The following PNPLA6 variants were observed in gnomAD, a reference collection of about 807,000 sequenced individuals.
The protein encoded by PNPLA6 is patatin like domain 6, lysophospholipase.
Under a neutral mutation model 153.7 loss-of-function variants are expected in PNPLA6, and 105 were observed. The observed-to-expected ratio is 0.68, with a 90% CI of 0.58 to 0.80. The LOEUF is 0.80. Ranked by LOEUF, PNPLA6 falls within the 30% of genes least tolerant of loss-of-function variation. The pLI, the probability that PNPLA6 is intolerant of heterozygous loss-of-function variation, is 0.00. For synonymous variants in PNPLA6, 825 were observed against 822.2 expected, an observed-to-expected ratio of 1.00 and a Z score of -0.06; for missense variants, 1,423 against 1,919.3, an observed-to-expected ratio of 0.74 and a Z score of 4.83.
chr19:7,550,482 G>A (rs1375127778), intron 15 of PNPLA6, 35 bp from the exon 16 acceptor site: 2 of 1,612,512 alleles, frequency 1.2e-6, no homozygotes, highest in African/African-American at 2.7e-5. Flanking sequence ...GGACCTGGGG[G>A]TGGTCAGACC....
intron 18 of PNPLA6, among the ~76,000 whole-genome samples, 174 bp from the exon 19 acceptor site, chr19:7,553,701 G>C (rs938137001): frequency 6.6e-6 from 1 of 152,224 alleles, no homozygotes; most frequent in Non-Finnish European, 1.5e-5. Flanking sequence ...TCCAGGACCA[G>C]AGCCATGGCT....
Position 7,555,887 on chromosome 19 carries a change from TC to T in PNPLA6, c.3093+128del. On this transcript the variant is annotated intron_variant, in intron 24 of 31. Transcript: ENST00000600737. The surrounding 1 kb of genome is among the most constrained non-coding windows in gnomAD (Gnocchi z 6.3). ...TGACCCTTCCTGATTAAATCTATGA[TC>T]CCCAGCTGTCCGGACTTTTATAGAT... 9.8e-7 allele frequency: 1 copy of T among 1,016,292 alleles called. No individual in the cohort carries two copies. Among genetic ancestry groups the T allele is most frequent in the Non-Finnish European group, 1.5e-6 (1 of 670,166 alleles). 63.0% of individuals were successfully genotyped at this position (1,016,292 alleles called of 1,614,324 possible).
At chr19:7,539,862 TTGCCTGAGCCTTCTCCG>T (rs1318466648) in intron 3 of PNPLA6, 39 bp from the exon 4 acceptor site, 1 of 1,259,422 alleles carries the variant, frequency 7.9e-7, no homozygotes, top group East Asian at 2.5e-5. Context: ...GGTCTTAGGT[TTGCCTGAGCCTTCTCCG>T]TGCCCCCCTC....
At chr19:7,542,404 A>G (rs1181871723) in intron 10 of PNPLA6, 157 bp from the exon 11 acceptor site, 2 of 690,080 alleles carry the variant, frequency 2.9e-6, no homozygotes, top group Non-Finnish European at 5.3e-6. Flanking sequence ...GTGCTGTCAT[A>G]GCTCACTGCA....
chr19:7,539,001 C>G (rs1427162137), intron 3 of PNPLA6, among the ~76,000 whole-genome samples: 1 of 152,182 alleles, frequency 6.6e-6, no homozygotes, highest in East Asian at 1.9e-4. Flanking sequence ...GGGGCCATCT[C>G]AGAGAACTTT....
Position 7,541,986 on chromosome 19 carries a change from G to T in PNPLA6, c.1171G>T (p.Asp391Tyr). ...TGAPLPGPTG[D>Y]PVKPTSLETP... ...GCCTGAACATGTGTCTCCCCCAGGGGACCCTGTGAAGCCCACATCCCTGGA... is the reference window on the plus strand; with the variant it reads ...GCCTGAACATGTGTCTCCCCCAGGGTACCCTGTGAAGCCCACATCCCTGGA... Residue 391 changes from aspartate to tyrosine, a missense_variant and splice_region_variant, in exon 10 of 32, where the codon GAC (aspartate) becomes TAC (tyrosine). Around this residue, in one of 10 missense-constraint regions of PNPLA6, gnomAD observed 267 missense variants for 255.1 expected, o/e 1.05. Coordinates refer to ENST00000600737, the MANE Select transcript of PNPLA6 (RefSeq NM_001166114.2). The surrounding 1 kb of genome is among the most constrained non-coding windows in gnomAD (Gnocchi z 5.2). The T allele has an allele frequency of 1.2e-6, 2 of 1,607,900 alleles. No homozygotes were observed. Among genetic ancestry groups the T allele is most frequent in the Non-Finnish European group, 8.5e-7 (1 of 1,179,454 alleles).
intron 13 of PNPLA6, among the ~76,000 whole-genome samples, chr19:7,546,280 G>GA (rs2023383507): frequency 6.6e-6 from 1 of 151,938 alleles, no homozygotes; most frequent in African/African-American, 2.4e-5. Flanking sequence ...TTTTGGGGGG[G>GA]TGTAATGGTT....
intron 18 of PNPLA6, 71 bp downstream of exon 18, chr19:7,551,508 C>T (rs999779207): frequency 2.0e-5 from 26 of 1,304,588 alleles, no homozygotes; most frequent in Non-Finnish European, 2.8e-5. Flanking sequence ...GGAGGGAAGC[C>T]TTCTTTCCTG....
chr19:7,551,012 C>CA lies in PNPLA6; in HGVS notation c.2090dup (p.Pro698AlafsTer86), dbSNP rs1568416398. On this transcript the variant is annotated frameshift_variant, in exon 17 of 32. Transcript: ENST00000600737. LOFTEE classifies it high-confidence loss of function. ...CCCCCAGGTGGAGGCACTGACCCGG[C>CA]AGCCGCGAGCCACGACGGTGCACGC... is the stretch of plus-strand genomic sequence containing the variant. 6.5e-7 allele frequency: 1 copy of CA among 1,546,050 alleles called. No individual in the cohort carries two copies. The highest frequency in any genetic ancestry group is 8.7e-7 in the Non-Finnish European group (1 of 1,146,298).
intron 13 of PNPLA6, among the ~76,000 whole-genome samples, chr19:7,548,583 C>A (rs112840834): frequency 1.3e-5 from 2 of 151,942 alleles, no homozygotes; most frequent in African/African-American, 4.8e-5. Flanking sequence ...TGTAAATAGT[C>A]ATTATACTGT....
At chr19:7,539,887 C>G in intron 3 of PNPLA6, 31 bp from the exon 4 acceptor site, 1 of 1,466,230 alleles carries the variant, frequency 6.8e-7, no homozygotes, top group Non-Finnish European at 9.2e-7. Flanking sequence ...CCGTGCCCCC[C>G]TCACCCCCGG....
rs534225738 is a variant in PNPLA6 at position 7,550,433 on chromosome 19, C to T, written c.1946+4C>T. 1 of 1,611,426 alleles carries T rather than the reference C, an allele frequency of 6.2e-7. No individual in the cohort carries two copies. Among genetic ancestry groups the T allele is most frequent in the East Asian group, 2.2e-5 (1 of 44,884 alleles). On this transcript the variant is annotated splice_donor_region_variant and intron_variant, in intron 15 of 31. Coordinates refer to ENST00000600737, the MANE Select transcript of PNPLA6 (RefSeq NM_001166114.2). ...AGGCGGGACGCGCGCTGTACAGGTG[C>T]AGCTCCCACCGCGCTGCTCAGGCCC...
At chr19:7,535,123 G>GC (rs2022786591), upstream of PNPLA6, 4 of 342,938 alleles carry the variant, frequency 1.2e-5, no homozygotes, top group Non-Finnish European at 2.3e-5. This position sits in a 1 kb window ranked among gnomAD's most constrained non-coding sequence, Gnocchi z 5.0. Flanking sequence ...GATCAACCCT[G>GC]CAGAGGGCAG....
chr19:7,541,561 C>G lies in PNPLA6; in HGVS notation c.1045C>G (p.Pro349Ala). The G allele has an allele frequency of 6.2e-7, 1 of 1,600,340 alleles. No homozygotes were observed. Among genetic ancestry groups the G allele is most frequent in the Non-Finnish European group, 8.5e-7 (1 of 1,173,686 alleles). ...PLRLFPSPGL[P>A]TRTSPVRGSK... ...GCGTCTGTTCCCCAGCCCCGGCCTC[C>G]CAACTCGCACCAGCCCTGTGCGGGG... The change falls in exon 9 of 32, where the codon CCA (proline) becomes GCA (alanine). Residue 349 changes from proline (P) to alanine (A), a missense_variant. Pro to Ala is a conservative substitution (Grantham distance 27, BLOSUM62 -1). Around this residue, in one of 10 missense-constraint regions of PNPLA6, gnomAD observed 267 missense variants for 255.1 expected, o/e 1.05. Coordinates refer to ENST00000600737, the MANE Select transcript of PNPLA6 (RefSeq NM_001166114.2). This position sits in a 1 kb window ranked among gnomAD's most constrained non-coding sequence, Gnocchi z 5.2.
chr19:7,544,071 C>G (rs1486647307), intron 13 of PNPLA6, among the ~76,000 whole-genome samples: 1 of 151,864 alleles, frequency 6.6e-6, no homozygotes, highest in East Asian at 1.9e-4. Context: ...CCTAGGCCTT[C>G]CAAAGTGCTG....
intron 27 of PNPLA6, 115 bp downstream of exon 27, chr19:7,557,399 T>G (rs1468342234): frequency 1.4e-6 from 1 of 727,568 alleles, no homozygotes; most frequent in South Asian, 1.5e-5. Context: ...AAGCTGCCCA[T>G]GCAGGGGTGC....
intron 16 of PNPLA6, 94 bp downstream of exon 16, chr19:7,550,734 G>A (rs1045848225): frequency 1.3e-6 from 2 of 1,488,576 alleles, no homozygotes; most frequent in Non-Finnish European, 1.8e-6. Flanking sequence ...AGGGAGTGGT[G>A]AATGCAGCTC....
chr19:7,551,352 A>G lies in PNPLA6; in HGVS notation c.2185-10A>G. On this transcript the variant is annotated splice_polypyrimidine_tract_variant and intron_variant, in intron 17 of 31. Coordinates refer to ENST00000600737, the MANE Select transcript of PNPLA6 (RefSeq NM_001166114.2). ...GGTCTCACTGAAATGCCGGCCTCCA[A>G]CGCCCCCAGGTCGTGACCCGCCTTA... 6.2e-7 allele frequency: 1 copy of G among 1,613,660 alleles called. No individual in the cohort carries two copies. Among genetic ancestry groups the G allele is most frequent in the East Asian group, 2.2e-5 (1 of 44,852 alleles).
At chr19:7,542,117 A>T in intron 10 of PNPLA6, 50 bp downstream of exon 10, 1 of 1,453,180 alleles carries the variant, frequency 6.9e-7, no homozygotes, top group East Asian at 2.3e-5. Flanking sequence ...CCAGGTTTGA[A>T]TCCAGGTCCA....
Sources: allele counts gnomAD v4.1 joint callset (sites outside exome capture counted in the v4.1 genomes callset), GRCh38; gene constraint gnomAD v4.1.1; regional missense constraint gnomAD v4.1.1; non-coding constraint Gnocchi (gnomAD v3.1); transcripts MANE v1.5; gene names NCBI Gene and HGNC (gene_info 2026-07-23, HGNC 2026-07-21).